The following PLPP4 variants were observed in gnomAD, a reference collection of about 807,000 sequenced individuals.
The protein encoded by PLPP4 is diacylglycerol pyrophosphate like 2.
A neutral mutation model predicts 32.2 loss-of-function variants in PLPP4; 20 were observed. That is an observed-to-expected ratio of 0.62 (90% CI 0.44 to 0.90). The LOEUF is 0.90. PLPP4 is among the 40% of genes least tolerant of loss of function. The pLI, the probability that PLPP4 is intolerant of heterozygous loss-of-function variation, is 0.00. For synonymous variants in PLPP4, 127 were observed against 133.0 expected, an observed-to-expected ratio of 0.95 and a Z score of 0.31; for missense variants, 257 against 353.1, an observed-to-expected ratio of 0.73 and a Z score of 2.18.
chr10:120,559,292 G>A (rs1242272154), intron 5 of PLPP4, among the ~76,000 whole-genome samples: 1 of 123,098 alleles, frequency 8.1e-6, no homozygotes, highest in African/African-American at 3.0e-5. Context: ...TTCCTTGCTT[G>A]TCTTTTCATG....
chr10:120,553,680 C>T (rs1672419863), intron 5 of PLPP4, among the ~76,000 whole-genome samples: 1 of 152,192 alleles, frequency 6.6e-6, no homozygotes. Context: ...CTCTGCATAC[C>T]CACAGACTTA....
chr10:120,542,681 C>T (rs1314283969), intron 5 of PLPP4, among the ~76,000 whole-genome samples: 1 of 152,186 alleles, frequency 6.6e-6, no homozygotes, highest in Non-Finnish European at 1.5e-5. Context: ...CAGTTCTTTT[C>T]TTGCACTCAG....
chr10:120,457,017 G>T (rs1426199597), upstream of PLPP4: 1 of 166,536 alleles, frequency 6.0e-6, no homozygotes, highest in African/African-American at 2.4e-5. Context: ...GCGGCTCCTG[G>T]GGAGAGGGAT....
chr10:120,584,373 G>A (rs1202249345), intron 6 of PLPP4, among the ~76,000 whole-genome samples: 2 of 152,210 alleles, frequency 1.3e-5, no homozygotes, highest in African/African-American at 4.8e-5. Context: ...TTTAGTGTCT[G>A]TCTTGCCCCT....
intron 1 of PLPP4, among the ~76,000 whole-genome samples, chr10:120,460,727 T>TA (rs966742570): frequency 1.1e-4 from 17 of 152,154 alleles, no homozygotes; most frequent in Non-Finnish European, 1.9e-4. Context: ...CTTTGCTTCA[T>TA]AAAAAATAGC....
At chr10:120,519,844 G>A (rs1050313178) in intron 4 of PLPP4, among the ~76,000 whole-genome samples, 1 of 152,196 alleles carries the variant, frequency 6.6e-6, no homozygotes, top group Non-Finnish European at 1.5e-5. Flanking sequence ...GCGAATATTA[G>A]TTGAGTATGA....
intron 1 of PLPP4, among the ~76,000 whole-genome samples, chr10:120,484,888 G>A (rs1393893125): frequency 6.6e-6 from 1 of 152,178 alleles, no homozygotes; most frequent in Non-Finnish European, 1.5e-5. Flanking sequence ...GGTGGGCCCA[G>A]TGTAATCACA....
At chr10:120,528,598 C>T (rs1335755691) in intron 5 of PLPP4, among the ~76,000 whole-genome samples, 1 of 152,074 alleles carries the variant, frequency 6.6e-6, no homozygotes, top group Non-Finnish European at 1.5e-5. Context: ...TATAACCCTA[C>T]ATCTCAAGCT....
At chr10:120,558,965 C>T (rs909179308) in intron 5 of PLPP4, among the ~76,000 whole-genome samples, 2 of 152,314 alleles carry the variant, frequency 1.3e-5, no homozygotes, top group Non-Finnish European at 2.9e-5. Context: ...TTTACACTCT[C>T]ACCAGCAAGT....
chr10:120,525,900 G>A (rs1358789490), intron 5 of PLPP4, among the ~76,000 whole-genome samples: 6 of 151,964 alleles, frequency 3.9e-5, no homozygotes, highest in African/African-American at 1.5e-4. Flanking sequence ...ACCTTACCGG[G>A]ATTTGTTTTT....
chr10:120,462,674 G>C (rs1302887762), intron 1 of PLPP4, among the ~76,000 whole-genome samples: 1 of 152,216 alleles, frequency 6.6e-6, no homozygotes, highest in African/African-American at 2.4e-5. Context: ...CGGACGGCCT[G>C]CTGAACACCT....
chr10:120,529,094 T>A (rs937419005), intron 5 of PLPP4, among the ~76,000 whole-genome samples: 1 of 152,154 alleles, frequency 6.6e-6, no homozygotes, highest in Non-Finnish European at 1.5e-5. Context: ...AGAATGCATG[T>A]TCTAGGGCAG....
intron 5 of PLPP4, among the ~76,000 whole-genome samples, chr10:120,545,869 C>T (rs1047418498): frequency 7.2e-5 from 11 of 152,152 alleles, no homozygotes; most frequent in African/African-American, 2.7e-4. Context: ...CACCCTCAAT[C>T]TGGGTGGGCA....
chr10:120,555,624 G>GTCTCT (rs1430028621), intron 5 of PLPP4, among the ~76,000 whole-genome samples: 1 of 152,206 alleles, frequency 6.6e-6, no homozygotes, highest in Admixed American at 6.5e-5. Flanking sequence ...AACACACACT[G>GTCTCT]GGTGCAGAGA....
intron 1 of PLPP4, among the ~76,000 whole-genome samples, chr10:120,485,657 G>A (rs1357441628): frequency 6.6e-6 from 1 of 152,090 alleles, no homozygotes; most frequent in Non-Finnish European, 1.5e-5. Flanking sequence ...TTTTACAAAA[G>A]GACCATTATT....
chr10:120,479,588 C>T (rs776077335), intron 1 of PLPP4, among the ~76,000 whole-genome samples: 2 of 152,212 alleles, frequency 1.3e-5, no homozygotes, highest in Non-Finnish European at 2.9e-5. Context: ...CCTTGCCTGT[C>T]GGGATCATTG....
chr10:120,460,012 G>T (rs1847968535), intron 1 of PLPP4, among the ~76,000 whole-genome samples: 1 of 152,128 alleles, frequency 6.6e-6, no homozygotes, highest in South Asian at 2.1e-4. Context: ...ATTCTGAGAG[G>T]TTGCTCTCCA....
chr10:120,512,034 C>A (rs2133887044), intron 2 of PLPP4, among the ~76,000 whole-genome samples: 2 of 151,968 alleles, frequency 1.3e-5, no homozygotes, highest in East Asian at 1.9e-4. Flanking sequence ...GCAGAGCTTG[C>A]AGTGAGCCGA....
chr10:120,500,289 G>A (rs1845180711), intron 1 of PLPP4, among the ~76,000 whole-genome samples: 1 of 152,148 alleles, frequency 6.6e-6, no homozygotes, highest in Non-Finnish European at 1.5e-5. Context: ...TTGCCCTGTG[G>A]CCGGTTGTGT....
Sources: allele counts gnomAD v4.1 joint callset (sites outside exome capture counted in the v4.1 genomes callset), GRCh38; gene constraint gnomAD v4.1.1; transcripts MANE v1.5; gene names NCBI Gene and HGNC (gene_info 2026-07-23, HGNC 2026-07-21).